BICD2: variants seen among roughly 807,000 people sequenced by gnomAD.
BICD2 encodes the protein BICD cargo adaptor 2, also known as protein bicaudal D homolog 2.
In BICD2, 25 loss-of-function variants were observed where a neutral mutation model predicts 72.9. The ratio of observed to expected loss-of-function variants is 0.34; its 90% CI spans 0.25 to 0.48. The LOEUF is 0.48. Among genes scored for constraint, BICD2 ranks in the 20% least tolerant of loss-of-function variants. The probability of loss-of-function intolerance (pLI) is 0.99; values close to 1 mark genes in which losing one functional copy is unlikely to be tolerated. For missense variants in BICD2, 894 were observed against 1,175.2 expected, an observed-to-expected ratio of 0.76 and a Z score of 3.50; for synonymous variants, 501 against 516.1, an observed-to-expected ratio of 0.97 and a Z score of 0.40.
intron 1 of BICD2, among the ~76,000 whole-genome samples, chr9:92,747,849 T>C (rs1224050221): frequency 6.6e-6 from 1 of 152,118 alleles, no homozygotes; most frequent in Non-Finnish European, 1.5e-5. Context: ...TCAGGAAGCA[T>C]CTGTGGCATG....
rs770335133 is a variant in BICD2 at position 92,717,886 on chromosome 9, G to A, written c.2169C>T (p.Thr723=). 6.2e-6 allele frequency: 10 copies of A among 1,613,332 alleles called. No individual in the cohort carries two copies. Among genetic ancestry groups the A allele is most frequent in the East Asian group, 4.5e-5 (2 of 44,890 alleles). ...SKYENEKAMV[T]ETMMKLRNEL... The stretch of plus-strand genomic sequence containing the variant: ...CATTGCGCAGCTTCATCATGGTCTC[G>A]GTAACCATGGCCTTCTCATTCTCAT... Residue 723 remains threonine, a synonymous_variant, in exon 6 of 7, where the codon ACC becomes ACT. Coordinates refer to ENST00000356884, the MANE Select transcript of BICD2 (RefSeq NM_001003800.2).
At chr9:92,724,956 G>A (rs1853536231) in intron 2 of BICD2, among the ~76,000 whole-genome samples, 1 of 152,218 alleles carries the variant, frequency 6.6e-6, no homozygotes, top group Admixed American at 6.5e-5. Context: ...GGCTCCTCAG[G>A]CGGAGTGGAA....
At position 92,720,195 on chromosome 9, in the gene BICD2, G is replaced by T; in HGVS notation, c.1062+105C>A. On this transcript the variant is annotated intron_variant, in intron 4 of 6. Transcript: ENST00000356884. The surrounding 1 kb of genome is among the most constrained non-coding windows in gnomAD (Gnocchi z 5.4). ...ATGCAGGAGATAAAATCAACGTAAGGAAAAGGGAAAGTTAACATCAGCAGA... is the reference window on the plus strand; with the variant it reads ...ATGCAGGAGATAAAATCAACGTAAGTAAAAGGGAAAGTTAACATCAGCAGA... 8.6e-7 allele frequency: 1 copy of T among 1,162,214 alleles called. No individual in the cohort carries two copies. The highest frequency in any genetic ancestry group is 1.2e-6 in the Non-Finnish European group (1 of 843,308). 72.0% of individuals were successfully genotyped at this position (1,162,214 alleles called of 1,614,324 possible).
rs1853245813 is a variant in BICD2 at position 92,713,889 on chromosome 9, G to A, written c.*1265C>T. On this transcript the variant is annotated 3_prime_UTR_variant, in exon 7 of 7. Coordinates refer to ENST00000356884, the MANE Select transcript of BICD2 (RefSeq NM_001003800.2). Reference sequence around the variant, plus strand: ...AACACGGTCTCTCACCAGGTAACTCGAATGCCTCTTCCGCATGAGAGACAA... The same window carrying A: ...AACACGGTCTCTCACCAGGTAACTCAAATGCCTCTTCCGCATGAGAGACAA... 5 of 1,005,614 alleles carry A rather than the reference G, an allele frequency of 5.0e-6. No homozygotes were observed. The highest frequency in any genetic ancestry group is 2.0e-4 in the East Asian group (2 of 9,938). 62.3% of individuals were successfully genotyped at this position (1,005,614 alleles called of 1,614,324 possible). A position where few individuals can be genotyped will look rare whatever the true frequency, so the allele number is the denominator to read the frequency against.
chr9:92,722,957 G>C (rs1355187947), intron 2 of BICD2, 149 bp from the exon 3 acceptor site: 1 of 962,334 alleles, frequency 1.0e-6, no homozygotes, highest in Non-Finnish European at 1.6e-6. Context: ...GGAGAGGAGA[G>C]GGAGCCCAGA....
At chr9:92,722,505 C>T in intron 3 of BICD2, 151 bp downstream of exon 3, 1 of 1,002,222 alleles carries the variant, frequency 1.0e-6, no homozygotes, top group Non-Finnish European at 1.4e-6. Context: ...CCAAGTATAC[C>T]CCTGCCTCCA....
At chr9:92,729,981 G>T (rs1159021944) in intron 1 of BICD2, among the ~76,000 whole-genome samples, 1 of 152,208 alleles carries the variant, frequency 6.6e-6, no homozygotes, top group East Asian at 1.9e-4. Flanking sequence ...CCTGAGAGTC[G>T]ACAGCTGTGT....
intron 1 of BICD2, among the ~76,000 whole-genome samples, chr9:92,762,500 C>T (rs752135088): frequency 6.6e-6 from 1 of 152,094 alleles, no homozygotes; most frequent in Non-Finnish European, 1.5e-5. Context: ...TGTCCAAGGC[C>T]ATGTGGCCAG....
At chr9:92,751,647 G>A (rs1165371330) in intron 1 of BICD2, among the ~76,000 whole-genome samples, 3 of 152,154 alleles carry the variant, frequency 2.0e-5, no homozygotes, top group African/African-American at 7.2e-5. Flanking sequence ...CTCACTGTTG[G>A]AGTGGGAGGT....
intron 1 of BICD2, among the ~76,000 whole-genome samples, chr9:92,754,832 A>G (rs572283006): frequency 2.0e-4 from 31 of 152,292 alleles, no homozygotes; most frequent in African/African-American, 7.2e-4. Context: ...GTCAGCTGAG[A>G]AGGATGTATG....
intron 3 of BICD2, 70 bp downstream of exon 3, chr9:92,722,586 G>T: frequency 1.3e-6 from 2 of 1,597,642 alleles, no homozygotes; most frequent in East Asian, 4.5e-5. Flanking sequence ...CAGGGAGAGG[G>T]GCTGAGCAAG....
At chr9:92,729,326 GAAC>G in intron 1 of BICD2, 90 bp from the exon 2 acceptor site, 1 of 1,365,252 alleles carries the variant, frequency 7.3e-7, no homozygotes. Flanking sequence ...TCATGCTGCA[GAAC>G]AACAGCAACA....
chr9:92,718,464 G>A, intron 5 of BICD2, 75 bp downstream of exon 5: 2 of 1,520,920 alleles, frequency 1.3e-6, no homozygotes, highest in Non-Finnish European at 1.8e-6. Context: ...GTGGCAGGGG[G>A]AGGAAGGAGG....
In BICD2 at chr9:92,715,066, A is replaced by G; in HGVS notation, c.*88T>C. The G allele has an allele frequency of 6.7e-7, 1 of 1,492,930 alleles. No individual in the cohort carries two copies. The highest frequency in any genetic ancestry group is 8.9e-7 in the Non-Finnish European group (1 of 1,120,094). 92.5% of individuals were successfully genotyped at this position (1,492,930 alleles called of 1,614,324 possible). A position where few individuals can be genotyped will look rare whatever the true frequency, so the allele number is the denominator to read the frequency against. On this transcript the variant is annotated 3_prime_UTR_variant, in exon 7 of 7. Coordinates refer to ENST00000356884, the MANE Select transcript of BICD2 (RefSeq NM_001003800.2). ...CTACCCTCTGTGCATTAGTCACGTT[A>G]AGATTGACCTAGCACCGCCGTCCCG...
In BICD2 at chr9:92,715,226, G is replaced by A. The variant is rs201354084; in HGVS notation, c.2496C>T (p.Ser832=). Residue 832 remains serine (S), a synonymous_variant, in exon 7 of 7, where the codon AGC becomes AGT. Coordinates refer to ENST00000356884, the MANE Select transcript of BICD2 (RefSeq NM_001003800.2). ...CCAGCCCGGTGCCCTCGGCCCTGTCGCTGGCACAGGCACAGGTGTGACTTA... is the reference window on the plus strand; with the variant it reads ...CCAGCCCGGTGCCCTCGGCCCTGTCACTGGCACAGGCACAGGTGTGACTTA... ...PSVSHTCACA[S]DRAEGTGLAN... is the part of the protein sequence containing the mutation. 5.6e-6 allele frequency: 9 copies of A among 1,613,114 alleles called. No individual in the cohort carries two copies. The highest frequency in any genetic ancestry group is 1.7e-4 in the Middle Eastern group (1 of 6,030).
intron 1 of BICD2, among the ~76,000 whole-genome samples, chr9:92,742,672 T>C (rs1433158468): frequency 6.6e-6 from 1 of 151,958 alleles, no homozygotes; most frequent in Non-Finnish European, 1.5e-5. Flanking sequence ...CGTGAGCCAC[T>C]GTGCCCGGCC....
chr9:92,716,322 T>G (rs577596420), intron 6 of BICD2, among the ~76,000 whole-genome samples: 8 of 152,316 alleles, frequency 5.3e-5, no homozygotes, highest in Admixed American at 3.9e-4. Context: ...CTGAAAAGTT[T>G]TTAAATAAAA....
At chr9:92,721,667 C>A (rs1170631909) in intron 3 of BICD2, among the ~76,000 whole-genome samples, 1 of 152,194 alleles carries the variant, frequency 6.6e-6, no homozygotes, top group Non-Finnish European at 1.5e-5. Flanking sequence ...AGTCCCAGCA[C>A]CACAAATGCG....
intron 1 of BICD2, among the ~76,000 whole-genome samples, chr9:92,749,821 C>T (rs1032257259): frequency 1.3e-5 from 2 of 152,234 alleles, no homozygotes; most frequent in African/African-American, 4.8e-5. Context: ...AGCTGGCTGC[C>T]CTGACACAAA....
Sources: gnomAD v4.1 joint callset for allele counts (sites outside exome capture counted in the v4.1 genomes callset) on GRCh38, gnomAD v4.1.1 for gene constraint, Gnocchi (gnomAD v3.1) non-coding constraint, MANE v1.5 for transcripts, NCBI Gene and HGNC (gene_info 2026-07-23, HGNC 2026-07-21) for gene names.